Variants in MAP2K1 observed in about 807,000 individuals in gnomAD.
MAP2K1 encodes the protein mitogen-activated protein kinase kinase 1, also known as dual specificity mitogen-activated protein kinase kinase 1.
In MAP2K1, 16 loss-of-function variants were observed where a neutral mutation model predicts 46.3. That is an observed-to-expected ratio of 0.35 (90% CI 0.23 to 0.52). MAP2K1 has a LOEUF of 0.52. Ranked by LOEUF, MAP2K1 falls within the 20% of genes least tolerant of loss-of-function variation. The pLI, the probability that MAP2K1 is intolerant of heterozygous loss-of-function variation, is 0.94. For missense variants in MAP2K1, 263 were observed against 497.1 expected, an observed-to-expected ratio of 0.53 and a Z score of 4.48; for synonymous variants, 183 against 185.6, an observed-to-expected ratio of 0.99 and a Z score of 0.11.
intron 1 of MAP2K1, among the ~76,000 whole-genome samples, chr15:66,409,143 C>T (rs1399213851): frequency 1.3e-5 from 2 of 152,080 alleles, no homozygotes; most frequent in Non-Finnish European, 2.9e-5. Context: ...TTCACTCAGC[C>T]ACATGAGGCA....
chr15:66,435,063 G>GC lies in MAP2K1; in HGVS notation c.118dup (p.Leu40ProfsTer4). On this transcript the variant is annotated frameshift_variant, in exon 2 of 11. Transcript: ENST00000307102. LOFTEE classifies it high-confidence loss of function. The stretch of plus-strand genomic sequence containing the variant: ...AGGCCTTGCAGAAGAAGCTGGAGGA[G>GC]CTAGAGCTTGATGAGCAGCAGCGAA... 1 of 1,614,154 alleles carries GC rather than the reference G, an allele frequency of 6.2e-7. No homozygotes were observed. The highest frequency in any genetic ancestry group is 8.5e-7 in the Non-Finnish European group (1 of 1,180,012).
chr15:66,481,640 C>A, intron 5 of MAP2K1, 115 bp from the exon 6 acceptor site: 1 of 1,205,552 alleles, frequency 8.3e-7, no homozygotes, highest in Non-Finnish European at 1.2e-6. Context: ...TGATGGCGGA[C>A]GGGGGTGTGG....
intron 5 of MAP2K1, among the ~76,000 whole-genome samples, chr15:66,447,252 C>G (rs1399851524): frequency 2.7e-5 from 4 of 150,112 alleles, no homozygotes; most frequent in African/African-American, 9.8e-5. Context: ...CCCTAGTGTT[C>G]TTTTTGTTAG....
intron 1 of MAP2K1, among the ~76,000 whole-genome samples, chr15:66,403,848 C>A (rs1255140598): frequency 2.0e-5 from 3 of 152,076 alleles, no homozygotes; most frequent in Admixed American, 1.3e-4. Context: ...AATTATTTGC[C>A]CCCTTTGCTG....
chr15:66,408,484 C>T (rs1221533979), intron 1 of MAP2K1, among the ~76,000 whole-genome samples: 5 of 152,168 alleles, frequency 3.3e-5, no homozygotes, highest in Non-Finnish European at 5.9e-5. Flanking sequence ...CCCAGATAAG[C>T]CCAGCTTTCT....
chr15:66,414,584 C>A (rs1372342728), intron 1 of MAP2K1, among the ~76,000 whole-genome samples: 4 of 152,130 alleles, frequency 2.6e-5, no homozygotes, highest in African/African-American at 9.7e-5. Flanking sequence ...CAGGGAAGCT[C>A]CCCTGAGCTT....
chr15:66,448,040 G>A (rs1480904289), intron 5 of MAP2K1, among the ~76,000 whole-genome samples: 1 of 150,272 alleles, frequency 6.7e-6, no homozygotes, highest in Admixed American at 6.7e-5. Context: ...GTAATCCCAG[G>A]TACTTGGGAG....
In MAP2K1 at chr15:66,426,385, T is replaced by A. The variant is rs886766094; in HGVS notation, c.81-8642T>A. 5.9e-5 allele frequency among the ~76,000 whole-genome samples: 9 copies of A among 151,344 alleles called. No homozygotes were observed. The East Asian group carries it at 1.7e-3, about 29-fold the overall frequency. ...CAAAAAAAAAAAAAACCTTTATAATTACTTGGCATAAGTCGCAACAAGAAA... is the reference window on the plus strand; with the variant it reads ...CAAAAAAAAAAAAAACCTTTATAATAACTTGGCATAAGTCGCAACAAGAAA... On this transcript the variant is annotated intron_variant, in intron 1 of 10. Transcript: ENST00000307102.
At chr15:66,478,181 C>G (rs1271471517) in intron 5 of MAP2K1, among the ~76,000 whole-genome samples, 1 of 151,112 alleles carries the variant, frequency 6.6e-6, no homozygotes, top group South Asian at 2.1e-4. Context: ...CAGGGCCGTT[C>G]CTTGCCACCC....
intron 1 of MAP2K1, among the ~76,000 whole-genome samples, chr15:66,401,005 G>A (rs2093380321): frequency 6.6e-6 from 1 of 152,144 alleles, no homozygotes; most frequent in Non-Finnish European, 1.5e-5. Flanking sequence ...GTTTAACTGT[G>A]TTTATTCCAT....
chr15:66,466,590 G>C (rs1191023183), intron 5 of MAP2K1, among the ~76,000 whole-genome samples: 1 of 152,146 alleles, frequency 6.6e-6, no homozygotes, highest in African/African-American at 2.4e-5. Flanking sequence ...TGAGACCCAA[G>C]AATCACTTGA....
intron 1 of MAP2K1, among the ~76,000 whole-genome samples, chr15:66,395,152 T>C (rs528096228): frequency 9.2e-5 from 14 of 152,350 alleles, no homozygotes; most frequent in South Asian, 4.1e-4. Flanking sequence ...ACCACAGATA[T>C]CAATAGTACC....
At chr15:66,397,525 TTAA>T (rs1421091701) in intron 1 of MAP2K1, among the ~76,000 whole-genome samples, 2 of 152,176 alleles carry the variant, frequency 1.3e-5, no homozygotes, top group Non-Finnish European at 2.9e-5. Context: ...AATGGATGTG[TTAA>T]TGATGCCGGC....
intron 3 of MAP2K1, among the ~76,000 whole-genome samples, chr15:66,441,610 C>G (rs2093503818): frequency 6.6e-6 from 1 of 152,126 alleles, no homozygotes; most frequent in Non-Finnish European, 1.5e-5. Context: ...GCATCAGTAG[C>G]ATTGTCTGTT....
intron 6 of MAP2K1, 99 bp downstream of exon 6, chr15:66,481,978 G>T: frequency 2.1e-6 from 3 of 1,450,434 alleles, no homozygotes; most frequent in Non-Finnish European, 9.5e-7. Flanking sequence ...GTGCTGGGTA[G>T]GGGACAAGAA....
chr15:66,473,550 G>C (rs1435958899), intron 5 of MAP2K1, among the ~76,000 whole-genome samples: 1 of 152,090 alleles, frequency 6.6e-6, no homozygotes, highest in Non-Finnish European at 1.5e-5. Flanking sequence ...CAGGGAATCT[G>C]GGATTCATAA....
At chr15:66,483,195 C>T (rs1200219347) in intron 6 of MAP2K1, among the ~76,000 whole-genome samples, 1 of 152,184 alleles carries the variant, frequency 6.6e-6, no homozygotes, top group Non-Finnish European at 1.5e-5. Flanking sequence ...CACCTGTGCC[C>T]AGATCCCAGT....
chr15:66,410,390 G>A (rs978950414), intron 1 of MAP2K1, among the ~76,000 whole-genome samples: 1 of 152,152 alleles, frequency 6.6e-6, no homozygotes, highest in Non-Finnish European at 1.5e-5. Context: ...GGGTTTGAGC[G>A]ATAGGATTTA....
chr15:66,420,954 CATACATATATACACACACAT>C (rs2093440380), intron 1 of MAP2K1, among the ~76,000 whole-genome samples: 1 of 46,098 alleles, frequency 2.2e-5, no homozygotes, highest in East Asian at 8.7e-4. Context: ...TATACATACA[CATACATATATACACACACAT>C]ACATACACAC....
Sources: allele counts gnomAD v4.1 joint callset (sites outside exome capture counted in the v4.1 genomes callset), GRCh38; gene constraint gnomAD v4.1.1; transcripts MANE v1.5; gene names NCBI Gene and HGNC (gene_info 2026-07-23, HGNC 2026-07-21).